Variants in KCNJ6 observed in about 807,000 individuals in gnomAD.
KCNJ6 encodes potassium inwardly rectifying channel subfamily J member 6.
KCNJ6 carries 9 observed loss-of-function variants against 34.2 expected under a neutral mutation model. That is an observed-to-expected ratio of 0.26 (90% confidence interval 0.16 to 0.46). KCNJ6 has a LOEUF of 0.46. Among genes scored for constraint, KCNJ6 ranks in the 20% least tolerant of loss-of-function variants. The probability of loss-of-function intolerance (pLI) is 1.00; values close to 1 mark genes in which losing one functional copy is unlikely to be tolerated. For missense variants in KCNJ6, 236 were observed against 531.3 expected (o/e 0.44, Z 5.46); for synonymous variants, 196 against 207.1 (o/e 0.95, Z 0.46).
At chr21:37,819,559 GC>G (rs2055364028) in intron 2 of KCNJ6, among the ~76,000 whole-genome samples, 1 of 152,004 alleles carries the variant, frequency 6.6e-6, no homozygotes, top group Admixed American at 6.6e-5. Flanking sequence ...ACATGTCACT[GC>G]CCAGTCATGT....
chr21:37,878,707 C>G (rs1262194800), intron 1 of KCNJ6, among the ~76,000 whole-genome samples: 1 of 152,176 alleles, frequency 6.6e-6, no homozygotes, highest in African/African-American at 2.4e-5. Flanking sequence ...CATACTATGT[C>G]TACCACTGAA....
At chr21:37,690,868 T>C (rs1428884706) in intron 3 of KCNJ6, among the ~76,000 whole-genome samples, 1 of 151,776 alleles carries the variant, frequency 6.6e-6, no homozygotes, top group Non-Finnish European at 1.5e-5. Context: ...CAACCTCTGC[T>C]TCCTACCGGG....
intron 3 of KCNJ6, among the ~76,000 whole-genome samples, chr21:37,641,801 A>T (rs1317836587): frequency 2.6e-5 from 4 of 152,170 alleles, no homozygotes; most frequent in Non-Finnish European, 5.9e-5. Context: ...GATGTGGGGG[A>T]AATAGAAAGC....
intron 2 of KCNJ6, among the ~76,000 whole-genome samples, chr21:37,764,398 T>TTTTA (rs34531770): frequency 2.0e-5 from 3 of 151,628 alleles, no homozygotes; most frequent in Non-Finnish European, 4.4e-5. Context: ...TTTTTTTTTT[T>TTTTA]AAGACAGTTT....
At chr21:37,657,978 T>C (rs1437637182) in intron 3 of KCNJ6, among the ~76,000 whole-genome samples, 1 of 152,244 alleles carries the variant, frequency 6.6e-6, no homozygotes, top group Admixed American at 6.5e-5. Context: ...TTGCCTTGCC[T>C]TGCAGGGCTG....
chr21:37,732,329 T>A (rs935606919), intron 2 of KCNJ6, among the ~76,000 whole-genome samples: 6 of 152,176 alleles, frequency 3.9e-5, no homozygotes, highest in Non-Finnish European at 8.8e-5. Flanking sequence ...TCCAATGGAT[T>A]GTGGTCACCT....
intron 1 of KCNJ6, among the ~76,000 whole-genome samples, chr21:37,912,118 T>C (rs1053399390): frequency 6.6e-6 from 1 of 152,192 alleles, no homozygotes; most frequent in African/African-American, 2.4e-5. Context: ...GAGGTAACTA[T>C]TGTTTAGGCA....
intron 3 of KCNJ6, among the ~76,000 whole-genome samples, chr21:37,711,464 G>T (rs2054751835): frequency 1.3e-5 from 2 of 152,128 alleles, no homozygotes; most frequent in South Asian, 4.1e-4. Flanking sequence ...ATGAGCGCAG[G>T]GGAAGCTGTT....
intron 3 of KCNJ6, among the ~76,000 whole-genome samples, chr21:37,659,972 G>A (rs568538058): frequency 6.6e-6 from 1 of 152,222 alleles, no homozygotes; most frequent in South Asian, 2.1e-4. Context: ...ACATGACAAA[G>A]TTAAAAAGAA....
At chr21:37,760,980 G>C (rs1363824263) in intron 2 of KCNJ6, among the ~76,000 whole-genome samples, 1 of 152,210 alleles carries the variant, frequency 6.6e-6, no homozygotes, top group East Asian at 1.9e-4. Flanking sequence ...AGGCAGGTCA[G>C]GGAAGAGCCA....
chr21:37,715,227 A>G, intron 2 of KCNJ6, 96 bp from the exon 3 acceptor site: 2 of 1,046,668 alleles, frequency 1.9e-6, no homozygotes, highest in Non-Finnish European at 2.7e-6. Context: ...GTGAAACCAA[A>G]TACCATTTGT....
chr21:37,630,127 GACA>G, intron 3 of KCNJ6, among the ~76,000 whole-genome samples: 1 of 56,666 alleles, frequency 1.8e-5, no homozygotes, highest in Non-Finnish European at 3.5e-5. Context: ...CTGCCAAGAT[GACA>G]TCTCTGTGTG....
At chr21:37,734,445 C>T (rs748157786) in intron 2 of KCNJ6, among the ~76,000 whole-genome samples, 2 of 152,098 alleles carry the variant, frequency 1.3e-5, no homozygotes, top group African/African-American at 2.4e-5. Flanking sequence ...CCAGTGGGCC[C>T]CCTCCAATCC....
At chr21:37,673,060 T>C (rs1483049245) in intron 3 of KCNJ6, among the ~76,000 whole-genome samples, 1 of 152,252 alleles carries the variant, frequency 6.6e-6, no homozygotes, top group African/African-American at 2.4e-5. Flanking sequence ...AAAACGTTTT[T>C]AATGAGCAAT....
intron 1 of KCNJ6, among the ~76,000 whole-genome samples, chr21:37,847,996 G>A (rs995566700): frequency 1.3e-5 from 2 of 152,330 alleles, no homozygotes; most frequent in South Asian, 2.1e-4. Flanking sequence ...TGCGTGAGGA[G>A]CAGCAGGTCA....
intron 1 of KCNJ6, among the ~76,000 whole-genome samples, chr21:37,885,901 C>T (rs147221591): frequency 9.0e-4 from 137 of 152,252 alleles, no homozygotes; most frequent in African/African-American, 3.1e-3. Context: ...CTACTGCATG[C>T]CTTCTGCCCT....
intron 1 of KCNJ6, among the ~76,000 whole-genome samples, chr21:37,900,010 T>C (rs1278675265): frequency 6.6e-6 from 1 of 152,220 alleles, no homozygotes; most frequent in Non-Finnish European, 1.5e-5. Flanking sequence ...AATGTTTTCA[T>C]GTCAAATCAG....
intron 2 of KCNJ6, among the ~76,000 whole-genome samples, chr21:37,744,441 C>T (rs189101054): frequency 2.0e-5 from 3 of 152,256 alleles, no homozygotes; most frequent in South Asian, 4.2e-4. Context: ...GAGGTCCAGA[C>T]AGAGAAAAGC....
intron 2 of KCNJ6, among the ~76,000 whole-genome samples, chr21:37,804,989 C>T (rs973048030): frequency 3.9e-5 from 6 of 152,106 alleles, no homozygotes; most frequent in African/African-American, 1.4e-4. Context: ...ACCTTGATAA[C>T]ATTATGCTAA....
Sources: gnomAD v4.1 joint callset for allele counts (sites outside exome capture counted in the v4.1 genomes callset) on GRCh38, gnomAD v4.1.1 for gene constraint, MANE v1.5 for transcripts, NCBI Gene and HGNC (gene_info 2026-07-23, HGNC 2026-07-21) for gene names.